The following SMYD1 variants were observed in gnomAD, a reference collection of about 807,000 sequenced individuals.
The protein encoded by SMYD1 is histone-lysine N-methyltransferase SMYD1.
A neutral mutation model predicts 54.0 loss-of-function variants in SMYD1; 49 were observed. The observed-to-expected ratio is 0.91, with a 90% CI of 0.72 to 1.15. The LOEUF (loss-of-function observed/expected upper bound fraction) is 1.15. Among genes scored for constraint, SMYD1 ranks in the 50% most tolerant of loss-of-function variants. The pLI is 0.00. For missense variants in SMYD1, 653 were observed against 639.6 expected (o/e 1.02, Z -0.23); for synonymous variants, 269 against 234.2 (o/e 1.15, Z -1.36).
Position 88,096,748 on chromosome 2 carries a change from G to A in SMYD1, c.852G>A (p.Lys284=). The A allele has an allele frequency of 6.2e-7, 1 of 1,614,104 alleles. No homozygotes were observed. Among genetic ancestry groups the A allele is most frequent in the Non-Finnish European group, 8.5e-7 (1 of 1,180,004 alleles). ...CTCEHCQKKL[K]DDLFLGVKDN... is the part of the protein sequence containing the mutation. ...GTGAACACTGCCAGAAAAAACTGAA[G>A]GATGACCTCTTCCTGGGGGTGAAAG... The change falls in exon 6 of 10, where the codon AAG becomes AAA. Residue 284 remains lysine (K), a synonymous_variant. Coordinates refer to ENST00000419482, the MANE Select transcript of SMYD1 (RefSeq NM_198274.4).
chr2:88,080,611 C>G (rs923007595), intron 1 of SMYD1, among the ~76,000 whole-genome samples: 1 of 152,118 alleles, frequency 6.6e-6, no homozygotes, highest in Non-Finnish European at 1.5e-5. Flanking sequence ...CCTCCTGGCT[C>G]TCCTCCCTTT....
chr2:88,105,648 A>G (rs1674846867), intron 7 of SMYD1, among the ~76,000 whole-genome samples: 1 of 152,074 alleles, frequency 6.6e-6, no homozygotes, highest in Admixed American at 6.6e-5. Context: ...CTTTTAAAAT[A>G]TTTTTGGCCA....
At chr2:88,070,952 A>AAAC (rs1178720223) in intron 1 of SMYD1, among the ~76,000 whole-genome samples, 3 of 151,466 alleles carry the variant, frequency 2.0e-5, no homozygotes, top group Non-Finnish European at 3.0e-5. Flanking sequence ...CAAAAAAAAA[A>AAAC]AAAAAAAAAA....
intron 6 of SMYD1, among the ~76,000 whole-genome samples, chr2:88,099,979 C>T (rs891282076): frequency 5.4e-5 from 8 of 149,050 alleles, no homozygotes; most frequent in African/African-American, 2.0e-4. Context: ...TTTCCTATGG[C>T]TCCTCCCTTC....
chr2:88,071,478 A>G (rs376390168), intron 1 of SMYD1, among the ~76,000 whole-genome samples: 35 of 152,296 alleles, frequency 2.3e-4, no homozygotes, highest in African/African-American at 7.9e-4. Flanking sequence ...TGAAGGTAAG[A>G]GAGCAAGAAT....
At position 88,106,383 on chromosome 2, in the gene SMYD1, A is replaced by C; in HGVS notation, c.1040A>C (p.Asn347Thr). ...EKQEPVFADTNIYMLRMLSIV... is the reference protein window; with the variant it reads ...EKQEPVFADTTIYMLRMLSIV... Reference sequence around the variant, plus strand: ...CAGGAGCCAGTGTTTGCTGACACCAACATCTACATGCTGCGGATGCTGAGC... The same window carrying C: ...CAGGAGCCAGTGTTTGCTGACACCACCATCTACATGCTGCGGATGCTGAGC... Residue 347 changes from asparagine to threonine, a missense_variant, in exon 8 of 10, where the codon AAC becomes ACC. Physicochemically the swap from Asn to Thr is moderately conservative, Grantham distance 65. Transcript: ENST00000419482. The C allele has an allele frequency of 6.2e-7, 1 of 1,614,166 alleles. No individual in the cohort carries two copies.
chr2:88,087,489 T>A (rs1652767541), intron 2 of SMYD1, among the ~76,000 whole-genome samples: 1 of 152,218 alleles, frequency 6.6e-6, no homozygotes, highest in Non-Finnish European at 1.5e-5. Flanking sequence ...AGGGCCTTTG[T>A]ACTCACTGCC....
At chr2:88,082,452 G>A (rs1029648612) in intron 1 of SMYD1, 1 of 152,630 alleles carries the variant, frequency 6.6e-6, no homozygotes, top group Non-Finnish European at 1.5e-5. Context: ...ATGTAGCATA[G>A]AGCAGTAGCC....
intron 1 of SMYD1, among the ~76,000 whole-genome samples, chr2:88,076,643 G>A (rs1170136197): frequency 6.6e-6 from 1 of 152,178 alleles, no homozygotes; most frequent in African/African-American, 2.4e-5. Context: ...AAAAGAAGAA[G>A]GAATGAGAAA....
intron 1 of SMYD1, among the ~76,000 whole-genome samples, chr2:88,074,279 T>G (rs942575903): frequency 6.6e-6 from 1 of 152,248 alleles, no homozygotes; most frequent in Non-Finnish European, 1.5e-5. Flanking sequence ...GGCTGACACT[T>G]CTGTTTCTTT....
chr2:88,097,896 G>C (rs934927740), intron 6 of SMYD1, among the ~76,000 whole-genome samples: 1 of 152,144 alleles, frequency 6.6e-6, no homozygotes, highest in African/African-American at 2.4e-5. Context: ...GATGCCTGGG[G>C]TGAAGAGATT....
At chr2:88,108,239 C>T in intron 8 of SMYD1, 132 bp from the exon 9 acceptor site, 1 of 827,876 alleles carries the variant, frequency 1.2e-6, no homozygotes. Context: ...CCCTTGGCGG[C>T]TACAGAAGCC....
intron 4 of SMYD1, among the ~76,000 whole-genome samples, 153 bp downstream of exon 4, chr2:88,091,295 G>A (rs1472867840): frequency 1.3e-5 from 2 of 152,180 alleles, no homozygotes; most frequent in Admixed American, 6.5e-5. Flanking sequence ...CAGAATAATT[G>A]TGAATGAGAG....
chr2:88,107,382 A>T (rs1489780032), intron 8 of SMYD1, among the ~76,000 whole-genome samples: 1 of 151,438 alleles, frequency 6.6e-6, no homozygotes, highest in East Asian at 1.9e-4. Context: ...CATGCTAAGG[A>T]AGCCCTGCAA....
chr2:88,097,035 G>C (rs1214369545), intron 6 of SMYD1, among the ~76,000 whole-genome samples: 1 of 152,162 alleles, frequency 6.6e-6, no homozygotes, highest in African/African-American at 2.4e-5. Flanking sequence ...AGGAATGATG[G>C]CCCCACTGCA....
At chr2:88,076,747 C>A (rs1674075318) in intron 1 of SMYD1, among the ~76,000 whole-genome samples, 1 of 152,188 alleles carries the variant, frequency 6.6e-6, no homozygotes. Flanking sequence ...AGGCTTACGC[C>A]TGTAATCCCA....
intron 9 of SMYD1, among the ~76,000 whole-genome samples, chr2:88,109,807 G>A (rs1329683967): frequency 2.0e-5 from 3 of 152,142 alleles, no homozygotes; most frequent in Admixed American, 6.5e-5. Flanking sequence ...TTAGGGTACC[G>A]AGCCTGTCAA....
Position 88,090,995 on chromosome 2 carries a change from T to A in SMYD1, c.529-17T>A. 1 of 1,606,946 alleles carries A rather than the reference T, an allele frequency of 6.2e-7. No individual in the cohort carries two copies. Among genetic ancestry groups the A allele is most frequent in the Non-Finnish European group, 8.5e-7 (1 of 1,175,638 alleles). On this transcript the variant is annotated splice_polypyrimidine_tract_variant and intron_variant, in intron 3 of 9. Transcript: ENST00000419482. ...CCATGTCTGTCGACTGACTCTTTCA[T>A]CTTTTCCCCTGGGTAGATTAACTGC...
chr2:88,097,354 G>T (rs1290261655), intron 6 of SMYD1, among the ~76,000 whole-genome samples: 1 of 152,178 alleles, frequency 6.6e-6, no homozygotes, highest in Non-Finnish European at 1.5e-5. Context: ...GCTGAGGGGA[G>T]GTCAGGAACC....
Sources: allele counts gnomAD v4.1 joint callset (sites outside exome capture counted in the v4.1 genomes callset), GRCh38; gene constraint gnomAD v4.1.1; transcripts MANE v1.5; gene names NCBI Gene and HGNC (gene_info 2026-07-23, HGNC 2026-07-21).